ACER3: variants seen among roughly 807,000 people sequenced by gnomAD.
ACER3 encodes alkCDase 3.
ACER3 carries 16 observed loss-of-function variants against 48.9 expected under a neutral mutation model. That is an observed-to-expected ratio of 0.33 (90% confidence interval 0.22 to 0.50). The LOEUF is 0.50. Among genes scored for constraint, ACER3 ranks in the 20% least tolerant of loss-of-function variants. The pLI is 0.98. For synonymous variants in ACER3, 109 were observed against 107.8 expected (o/e 1.01, Z -0.07); for missense variants, 227 against 326.0 (o/e 0.70, Z 2.34).
chr11:76,864,807 C>T (rs1480043535), intron 1 of ACER3, among the ~76,000 whole-genome samples: 1 of 147,320 alleles, frequency 6.8e-6, no homozygotes, highest in Non-Finnish European at 1.5e-5. Context: ...ACCATTTTGG[C>T]CAGGCTGGTC....
intron 1 of ACER3, among the ~76,000 whole-genome samples, chr11:76,924,191 G>C (rs777839050): frequency 6.6e-6 from 1 of 151,950 alleles, no homozygotes; most frequent in Non-Finnish European, 1.5e-5. Context: ...ATCATTGCCT[G>C]ATGTCTATTG....
intron 8 of ACER3, 43 bp from the exon 9 acceptor site, chr11:77,016,632 T>C (rs1555023381): frequency 9.2e-7 from 1 of 1,089,174 alleles, no homozygotes; most frequent in Non-Finnish European, 1.4e-6. Flanking sequence ...AGTCGCTAAA[T>C]ATTTTAAAAA....
intron 2 of ACER3, among the ~76,000 whole-genome samples, chr11:76,946,894 G>A (rs930745939): frequency 1.3e-5 from 2 of 152,162 alleles, no homozygotes; most frequent in Non-Finnish European, 2.9e-5. Context: ...AAGGGTTGAG[G>A]GGTTCTCCCT....
chr11:76,971,590 G>A (rs1948309243), intron 3 of ACER3, among the ~76,000 whole-genome samples: 1 of 151,948 alleles, frequency 6.6e-6, no homozygotes, highest in South Asian at 2.1e-4. Context: ...AAGGCATACA[G>A]GTCTTATTAA....
At chr11:76,883,013 G>C (rs963429284) in intron 1 of ACER3, among the ~76,000 whole-genome samples, 1 of 151,952 alleles carries the variant, frequency 6.6e-6, no homozygotes, top group African/African-American at 2.4e-5. Context: ...CAGTGTTCTG[G>C]TTCCCCAGAC....
intron 6 of ACER3, among the ~76,000 whole-genome samples, chr11:76,991,959 G>A (rs188453916): frequency 5.3e-5 from 8 of 152,186 alleles, no homozygotes; most frequent in South Asian, 2.1e-4. Context: ...CAGGCACAGC[G>A]GCTTATGCCT....
chr11:76,944,245 T>C (rs1158512846), intron 2 of ACER3, among the ~76,000 whole-genome samples: 1 of 152,158 alleles, frequency 6.6e-6, no homozygotes, highest in Non-Finnish European at 1.5e-5. Flanking sequence ...AATGAAATTC[T>C]ATTGTGTTCA....
At chr11:76,915,078 ACC>A (rs1946488137) in intron 1 of ACER3, among the ~76,000 whole-genome samples, 2 of 152,114 alleles carry the variant, frequency 1.3e-5, no homozygotes, top group African/African-American at 4.8e-5. Flanking sequence ...TAGGAGATAT[ACC>A]TAATGTAAAT....
intron 7 of ACER3, among the ~76,000 whole-genome samples, chr11:77,005,316 T>C (rs1349347907): frequency 2.0e-5 from 3 of 152,176 alleles, no homozygotes; most frequent in African/African-American, 7.2e-5. Flanking sequence ...ATGTTTCTCT[T>C]TGTATTGCTT....
intron 1 of ACER3, among the ~76,000 whole-genome samples, chr11:76,870,378 C>G (rs545804296): frequency 6.6e-6 from 1 of 152,184 alleles, no homozygotes; most frequent in South Asian, 2.1e-4. Context: ...AAGTGATCCT[C>G]CCACCTCAGC....
At chr11:76,935,898 A>C (rs1039971255) in intron 2 of ACER3, among the ~76,000 whole-genome samples, 5 of 152,238 alleles carry the variant, frequency 3.3e-5, no homozygotes, top group Non-Finnish European at 7.3e-5. Context: ...CAGATATAGA[A>C]CATCTTCATT....
intron 9 of ACER3, 57 bp from the exon 10 acceptor site, chr11:77,019,674 G>T (rs1284346680): frequency 1.9e-6 from 3 of 1,556,178 alleles, no homozygotes; most frequent in Non-Finnish European, 2.7e-6. Context: ...CAGTACGCCA[G>T]TTTGCATGAA....
chr11:76,997,905 T>A (rs1948948459), intron 6 of ACER3, among the ~76,000 whole-genome samples: 1 of 152,122 alleles, frequency 6.6e-6, no homozygotes, highest in Non-Finnish European at 1.5e-5. Context: ...ACAGTATTAT[T>A]ATTACTTAGG....
chr11:76,874,725 T>A (rs1945326334), intron 1 of ACER3, among the ~76,000 whole-genome samples: 1 of 152,110 alleles, frequency 6.6e-6, no homozygotes, highest in Non-Finnish European at 1.5e-5. Context: ...GTTTCTAGGG[T>A]GTGGGAGGTG....
At chr11:76,938,258 G>A (rs1029648528) in intron 2 of ACER3, among the ~76,000 whole-genome samples, 5 of 151,154 alleles carry the variant, frequency 3.3e-5, no homozygotes, top group Admixed American at 6.6e-5. Context: ...CAAGCGATTC[G>A]CTCACGTTGG....
At position 76,962,277 on chromosome 11, in the gene ACER3, T is replaced by C. The variant is rs1165026713; in HGVS notation, c.267+3246T>C. On this transcript the variant is annotated intron_variant, in intron 3 of 10. Coordinates refer to ENST00000532485, the MANE Select transcript of ACER3 (RefSeq NM_018367.7). ...TGTCGCCCAGAGTGACACTGGAATGTAGTGTGATCTCGGCTCACTGCAACC... is the reference window on the plus strand; with the variant it reads ...TGTCGCCCAGAGTGACACTGGAATGCAGTGTGATCTCGGCTCACTGCAACC... Among the ~76,000 whole-genome samples the C allele has an allele frequency of 2.8e-5, 4 of 144,336 alleles. No homozygotes were observed. In the East Asian group the frequency reaches 8.0e-4, roughly 29 times the overall value. 94.7% of individuals were successfully genotyped at this position (144,336 alleles called of 152,430 possible).
At chr11:76,934,507 G>A (rs1053816728) in intron 2 of ACER3, among the ~76,000 whole-genome samples, 2 of 152,256 alleles carry the variant, frequency 1.3e-5, no homozygotes, top group African/African-American at 4.8e-5. Flanking sequence ...CCAACGCAGC[G>A]AAACCCCGTC....
intron 8 of ACER3, among the ~76,000 whole-genome samples, chr11:77,015,546 T>TAGCATG (rs1949350452): frequency 6.6e-6 from 1 of 152,246 alleles, no homozygotes; most frequent in South Asian, 2.1e-4. Flanking sequence ...AGCAATCATA[T>TAGCATG]ATTGACAGGA....
At chr11:76,876,504 CT>C (rs1465560413) in intron 1 of ACER3, among the ~76,000 whole-genome samples, 1 of 152,156 alleles carries the variant, frequency 6.6e-6, no homozygotes, top group African/African-American at 2.4e-5. Context: ...ATAAGTAAAG[CT>C]GCTATAAACA....
Sources: gnomAD v4.1 joint callset for allele counts (sites outside exome capture counted in the v4.1 genomes callset) on GRCh38, gnomAD v4.1.1 for gene constraint, MANE v1.5 for transcripts, NCBI Gene and HGNC (gene_info 2026-07-23, HGNC 2026-07-21) for gene names.